The following ACACA variants were observed in gnomAD, a reference collection of about 807,000 sequenced individuals.
ACACA encodes acetyl-CoA carboxylase 1.
A neutral mutation model predicts 296.1 loss-of-function variants in ACACA; 103 were observed. The observed-to-expected ratio is 0.35, with a 90% CI of 0.30 to 0.41. ACACA has a LOEUF of 0.41. ACACA is among the 10% of genes least tolerant of loss of function. The pLI is 1.00. For synonymous variants in ACACA, 953 were observed against 1,038.6 expected (o/e 0.92, Z 1.58); for missense variants, 1,554 against 2,989.7 (o/e 0.52, Z 11.20).
chr17:37,158,080 G>T (rs1220984612), intron 42 of ACACA, among the ~76,000 whole-genome samples: 1 of 152,040 alleles, frequency 6.6e-6, no homozygotes, highest in East Asian at 1.9e-4. Context: ...GTGAATGTGG[G>T]GTGTGCAAGA....
intron 1 of ACACA, among the ~76,000 whole-genome samples, chr17:37,352,610 T>C (rs2147495179): frequency 6.6e-6 from 1 of 152,074 alleles, no homozygotes; most frequent in South Asian, 2.1e-4. Flanking sequence ...TCCCCGCTAC[T>C]TGGGAGGCTG....
chr17:37,267,241 G>A (rs564265406), intron 10 of ACACA, among the ~76,000 whole-genome samples: 1 of 152,292 alleles, frequency 6.6e-6, no homozygotes, highest in East Asian at 1.9e-4. Context: ...AATTCATGCA[G>A]CTATAGTCAT....
At position 37,241,946 on chromosome 17, in the gene ACACA, TTAC is replaced by T; in HGVS notation, c.3032+4_3032+6del. On this transcript the variant is annotated splice_donor_5th_base_variant and intron_variant, in intron 23 of 55. Transcript: ENST00000616317. ...AGGTCTGGGAATCTGGAGTTACAAG[TTAC>T]TACCTCTGTACCAGCTGAACAATGC... The T allele has an allele frequency of 6.2e-7, 1 of 1,610,648 alleles. No homozygotes were observed. Among genetic ancestry groups the T allele is most frequent in the Non-Finnish European group, 8.5e-7 (1 of 1,176,978 alleles).
At chr17:37,352,609 C>A (rs1454511911) in intron 1 of ACACA, among the ~76,000 whole-genome samples, 1 of 151,788 alleles carries the variant, frequency 6.6e-6, no homozygotes, top group Non-Finnish European at 1.5e-5. Flanking sequence ...GTCCCCGCTA[C>A]TTGGGAGGCT....
chr17:37,194,787 GTATT>G (rs2077913827), intron 35 of ACACA, among the ~76,000 whole-genome samples: 1 of 152,016 alleles, frequency 6.6e-6, no homozygotes, highest in African/African-American at 2.4e-5. Context: ...CTTTTCCTTG[GTATT>G]TTAACTGTAA....
chr17:37,377,859 C>A, intron 1 of ACACA: 1 of 1,596,890 alleles, frequency 6.3e-7, no homozygotes, highest in Non-Finnish European at 8.6e-7. Context: ...TTCCCCTCCT[C>A]CCCCTCTGCT....
chr17:37,299,231 T>C (rs895269178), intron 3 of ACACA: 1 of 1,580,174 alleles, frequency 6.3e-7, no homozygotes, highest in Non-Finnish European at 8.7e-7. Flanking sequence ...TACCTTACTG[T>C]TTTTTTAAAG....
chr17:37,196,293 A>G (rs1250615235), intron 35 of ACACA, among the ~76,000 whole-genome samples: 2 of 152,178 alleles, frequency 1.3e-5, no homozygotes, highest in Admixed American at 6.5e-5. Flanking sequence ...CTTAAAAAAA[A>G]AAAGAAAAAA....
intron 54 of ACACA, among the ~76,000 whole-genome samples, chr17:37,092,720 A>T (rs1416596257): frequency 6.6e-6 from 1 of 151,930 alleles, no homozygotes; most frequent in Non-Finnish European, 1.5e-5. Flanking sequence ...CTAATAACTC[A>T]CCTTGGGAGC....
chr17:37,277,167 A>C, intron 6 of ACACA, 53 bp from the exon 7 acceptor site: 2 of 1,496,484 alleles, frequency 1.3e-6, no homozygotes, highest in East Asian at 4.5e-5. Flanking sequence ...AAACCCCCAC[A>C]AACTGCAAGA....
intron 3 of ACACA, among the ~76,000 whole-genome samples, chr17:37,295,757 T>C (rs948508182): frequency 2.0e-5 from 3 of 151,936 alleles, no homozygotes; most frequent in Admixed American, 2.0e-4. Flanking sequence ...ACCCCATCTC[T>C]ACTAAAAAAT....
At chr17:37,179,205 G>A in intron 41 of ACACA, 55 bp downstream of exon 41, 1 of 1,609,956 alleles carries the variant, frequency 6.2e-7, no homozygotes, top group Middle Eastern at 1.7e-4. Context: ...CTCACAGAAA[G>A]CTGGTACTAG....
intron 52 of ACACA, among the ~76,000 whole-genome samples, chr17:37,106,115 T>C (rs997105680): frequency 6.6e-6 from 1 of 151,518 alleles, no homozygotes; most frequent in African/African-American, 2.4e-5. Flanking sequence ...ATTTTCTATG[T>C]TGAAAGAAAT....
chr17:37,100,630 CAA>C (rs35888166), intron 52 of ACACA, among the ~76,000 whole-genome samples: 15 of 105,416 alleles, frequency 1.4e-4, no homozygotes, highest in Non-Finnish European at 1.2e-4. Context: ...GACCGCCCCT[CAA>C]AAAAAAAAAA....
chr17:37,195,415 G>A (rs939277804), intron 35 of ACACA, among the ~76,000 whole-genome samples: 3 of 152,072 alleles, frequency 2.0e-5, no homozygotes, highest in African/African-American at 7.2e-5. Flanking sequence ...TACAAATAAT[G>A]AAGAAACTGA....
intron 3 of ACACA, 110 bp downstream of exon 3, chr17:37,330,059 GACAT>G (rs2047802726): frequency 1.5e-6 from 2 of 1,330,696 alleles, no homozygotes. Flanking sequence ...TGAGTTCAGT[GACAT>G]AGGAAAAGGC....
chr17:37,168,691 A>G (rs1334677585), intron 41 of ACACA, among the ~76,000 whole-genome samples: 1 of 152,194 alleles, frequency 6.6e-6, no homozygotes, highest in African/African-American at 2.4e-5. Context: ...CTTTAAAGAG[A>G]AAGAAATATC....
chr17:37,363,182 T>TTC (rs1376991050), intron 1 of ACACA, among the ~76,000 whole-genome samples: 2 of 85,100 alleles, frequency 2.4e-5, no homozygotes, highest in African/African-American at 5.3e-5. Context: ...TCTTTTTCTT[T>TTC]TTTTTTTTTT....
At chr17:37,111,728 G>A (rs775668136) in intron 51 of ACACA, 85 bp from the exon 52 acceptor site, 54 of 1,009,670 alleles carry the variant, frequency 5.3e-5, no homozygotes, top group Non-Finnish European at 8.3e-5. Context: ...GTTACAATTT[G>A]TAGACCAGGA....
Sources: allele counts gnomAD v4.1 joint callset (sites outside exome capture counted in the v4.1 genomes callset), GRCh38; gene constraint gnomAD v4.1.1; transcripts MANE v1.5; gene names NCBI Gene and HGNC (gene_info 2026-07-23, HGNC 2026-07-21).